The following ENPP6 variants were observed in gnomAD, a reference collection of about 807,000 sequenced individuals.
ENPP6 encodes ectonucleotide pyrophosphatase/phosphodiesterase 6.
In ENPP6, 32 loss-of-function variants were observed where a neutral mutation model predicts 42.0. That is an observed-to-expected ratio of 0.76 (90% confidence interval 0.58 to 1.02). The LOEUF (loss-of-function observed/expected upper bound fraction) is 1.02. Ranked by LOEUF, ENPP6 falls within the 50% of genes least tolerant of loss-of-function variation. The pLI is 0.00. For synonymous variants in ENPP6, 213 were observed against 216.0 expected, an observed-to-expected ratio of 0.99 and a Z score of 0.12; for missense variants, 552 against 566.8, an observed-to-expected ratio of 0.97 and a Z score of 0.27.
At chr4:184,185,509 C>T (rs532183868) in intron 1 of ENPP6, among the ~76,000 whole-genome samples, 3 of 152,262 alleles carry the variant, frequency 2.0e-5, no homozygotes, top group East Asian at 1.9e-4. Context: ...TGTCCTTTTG[C>T]GAGAATCATG....
At chr4:184,183,847 T>C (rs1732592280) in intron 1 of ENPP6, among the ~76,000 whole-genome samples, 1 of 152,174 alleles carries the variant, frequency 6.6e-6, no homozygotes, top group Non-Finnish European at 1.5e-5. Flanking sequence ...CACATTTCCA[T>C]CTAGGTGAAG....
At position 184,184,053 on chromosome 4, in the gene ENPP6, C is replaced by T. The variant is rs1732595138; in HGVS notation, c.242-30320G>A. 6.6e-6 allele frequency among the ~76,000 whole-genome samples: 1 copy of T among 152,174 alleles called. No individual in the cohort carries two copies. Among genetic ancestry groups the T allele is most frequent in the Admixed American group, 6.5e-5 (1 of 15,278 alleles). The stretch of plus-strand genomic sequence containing the variant: ...ATCCGTCAGCGTCTGTGAATGACTA[C>T]ATGGAGCGAGCCCCACCTCCATGCA... On this transcript the variant is annotated intron_variant, in intron 1 of 7. Transcript: ENST00000296741. This position sits in a 1 kb window ranked among gnomAD's most constrained non-coding sequence, Gnocchi z 4.7.
chr4:184,195,537 G>A (rs1430789372), intron 1 of ENPP6, among the ~76,000 whole-genome samples: 1 of 152,164 alleles, frequency 6.6e-6, no homozygotes, highest in Non-Finnish European at 1.5e-5. Flanking sequence ...TCTGGCTCCA[G>A]AATGTCTTAT....
intron 1 of ENPP6, among the ~76,000 whole-genome samples, chr4:184,207,202 A>T (rs1452202152): frequency 6.6e-6 from 1 of 152,250 alleles, no homozygotes; most frequent in Admixed American, 6.5e-5. Flanking sequence ...ATCTCTTGGT[A>T]GTTTACTGGC....
At chr4:184,133,440 C>A (rs1296013178) in intron 2 of ENPP6, among the ~76,000 whole-genome samples, 1 of 152,002 alleles carries the variant, frequency 6.6e-6, no homozygotes, top group Non-Finnish European at 1.5e-5. Flanking sequence ...TCTGTTGATA[C>A]CAATACAATA....
intron 3 of ENPP6, among the ~76,000 whole-genome samples, chr4:184,123,102 C>G (rs148863857): frequency 5.6e-4 from 85 of 152,286 alleles, no homozygotes; most frequent in African/African-American, 2.0e-3. Context: ...TGATAGGTTT[C>G]GTGGAAGTGG....
At chr4:184,094,371 T>C (rs910901119) in intron 7 of ENPP6, among the ~76,000 whole-genome samples, 8 of 152,252 alleles carry the variant, frequency 5.3e-5, no homozygotes, top group Non-Finnish European at 4.4e-5. Context: ...AATATTATCT[T>C]TTTACACTGG....
intron 1 of ENPP6, among the ~76,000 whole-genome samples, chr4:184,180,553 GA>G (rs140266236): frequency 0.8 from 120,993 of 151,952 alleles, 51,509 homozygotes; most frequent in East Asian, 1. Flanking sequence ...AGAGATACAA[GA>G]AAAAAAAGAA....
chr4:184,130,906 TTATC>T (rs1736595574), intron 2 of ENPP6, among the ~76,000 whole-genome samples: 1 of 152,240 alleles, frequency 6.6e-6, no homozygotes, highest in Non-Finnish European at 1.5e-5. Context: ...GTATCACTAT[TTATC>T]TATCCTAAAG....
intron 1 of ENPP6, among the ~76,000 whole-genome samples, chr4:184,192,617 T>C (rs1269734681): frequency 1.3e-5 from 2 of 152,158 alleles, no homozygotes; most frequent in East Asian, 1.9e-4. Flanking sequence ...CAACAATAAA[T>C]GCTTTTGTAC....
intron 1 of ENPP6, among the ~76,000 whole-genome samples, chr4:184,187,844 A>T (rs1270515841): frequency 6.6e-6 from 1 of 152,188 alleles, no homozygotes; most frequent in East Asian, 1.9e-4. Context: ...AAGGTGAGAG[A>T]TACTTCTTGA....
In ENPP6 at chr4:184,217,790, C is replaced by A; in HGVS notation, c.30G>T (p.Leu10=). 2 of 1,613,802 alleles carry A rather than the reference C, an allele frequency of 1.2e-6. No homozygotes were observed. The highest frequency in any genetic ancestry group is 1.7e-6 in the Non-Finnish European group (2 of 1,180,010). The part of the protein sequence containing the change: MAVKLGTLL[L]ALALGLAQPA... ...GCTGGGCCAGGCCCAGGGCAAGGGCCAGCAGGAGGGTCCCAAGCTTCACTG... is the reference window on the plus strand; with the variant it reads ...GCTGGGCCAGGCCCAGGGCAAGGGCAAGCAGGAGGGTCCCAAGCTTCACTG... The change falls in exon 1 of 8, where the codon CTG becomes CTT. Residue 10 remains leucine (L), a synonymous_variant. Transcript: ENST00000296741.
At chr4:184,177,397 C>G (rs565093391) in intron 1 of ENPP6, among the ~76,000 whole-genome samples, 1 of 152,292 alleles carries the variant, frequency 6.6e-6, no homozygotes, top group Non-Finnish European at 1.5e-5. Flanking sequence ...ATGGAGTGGC[C>G]ATAGTCTCCA....
chr4:184,170,445 GA>G (rs35346469), intron 1 of ENPP6, among the ~76,000 whole-genome samples: 174 of 143,546 alleles, frequency 1.2e-3, no homozygotes, highest in African/African-American at 4.3e-3. Context: ...AGAAAAGAAG[GA>G]AAAAAAAAAA....
chr4:184,172,975 G>A (rs1323530670), intron 1 of ENPP6, among the ~76,000 whole-genome samples: 2 of 152,054 alleles, frequency 1.3e-5, no homozygotes, highest in Non-Finnish European at 2.9e-5. Flanking sequence ...GTGCAGTAGC[G>A]CCAACTACAA....
At chr4:184,176,194 T>C (rs1246096306) in intron 1 of ENPP6, among the ~76,000 whole-genome samples, 1 of 152,174 alleles carries the variant, frequency 6.6e-6, no homozygotes, top group Non-Finnish European at 1.5e-5. Flanking sequence ...GTGGTAGAGC[T>C]AGGAATCCAA....
intron 1 of ENPP6, among the ~76,000 whole-genome samples, chr4:184,164,745 G>A (rs984746899): frequency 6.6e-6 from 1 of 152,166 alleles, no homozygotes; most frequent in Non-Finnish European, 1.5e-5. Context: ...CGTCCTCACC[G>A]TGGCCCTAAG....
At chr4:184,095,969 G>C (rs749144045) in intron 7 of ENPP6, among the ~76,000 whole-genome samples, 4 of 152,070 alleles carry the variant, frequency 2.6e-5, no homozygotes, top group Non-Finnish European at 5.9e-5. Flanking sequence ...AACTATCACT[G>C]GTTAAAGGTA....
At chr4:184,162,829 C>T (rs1292976913) in intron 1 of ENPP6, among the ~76,000 whole-genome samples, 1 of 151,938 alleles carries the variant, frequency 6.6e-6, no homozygotes, top group African/African-American at 2.4e-5. Flanking sequence ...ACAGGCTGCA[C>T]AGAGTTTAAT....
Sources: allele counts gnomAD v4.1 joint callset (sites outside exome capture counted in the v4.1 genomes callset), GRCh38; gene constraint gnomAD v4.1.1; non-coding constraint Gnocchi (gnomAD v3.1); transcripts MANE v1.5; gene names NCBI Gene and HGNC (gene_info 2026-07-23, HGNC 2026-07-21).